Variants in ARHGAP12 observed in about 807,000 individuals in gnomAD.
ARHGAP12 encodes the protein Rho GTPase activating protein 12.
A neutral mutation model predicts 108.6 loss-of-function variants in ARHGAP12; 64 were observed. The observed-to-expected ratio is 0.59, with a 90% confidence interval of 0.48 to 0.73. The LOEUF is 0.73. Ranked by LOEUF, ARHGAP12 falls within the 30% of genes least tolerant of loss-of-function variation. The pLI is 0.00. For missense variants in ARHGAP12, 940 were observed against 1,005.9 expected (o/e 0.93, Z 0.89); for synonymous variants, 312 against 337.2 (o/e 0.93, Z 0.82).
At chr10:31,925,540 T>C (rs1168452671) in intron 1 of ARHGAP12, among the ~76,000 whole-genome samples, 5 of 152,230 alleles carry the variant, frequency 3.3e-5, no homozygotes, top group Non-Finnish European at 7.4e-5. Flanking sequence ...AGTATTCTCC[T>C]AATGTCCTTT....
chr10:31,882,916 G>C (rs1275000507), intron 3 of ARHGAP12, among the ~76,000 whole-genome samples: 1 of 151,282 alleles, frequency 6.6e-6, no homozygotes, highest in Non-Finnish European at 1.5e-5. Flanking sequence ...ACAGATACTA[G>C]ATATCCCTCT....
intron 3 of ARHGAP12, among the ~76,000 whole-genome samples, chr10:31,901,282 A>G (rs1412601676): frequency 1.3e-5 from 2 of 151,854 alleles, no homozygotes; most frequent in African/African-American, 4.8e-5. Context: ...CTGTAATCCC[A>G]GCACTTCGGG....
At chr10:31,919,946 T>C (rs1839721390) in intron 1 of ARHGAP12, among the ~76,000 whole-genome samples, 3 of 145,684 alleles carry the variant, frequency 2.1e-5, no homozygotes, top group Admixed American at 1.4e-4. Context: ...TGAAACCCCA[T>C]CTCTACTAAA....
intron 1 of ARHGAP12, among the ~76,000 whole-genome samples, chr10:31,921,106 T>A (rs1839786355): frequency 6.6e-6 from 1 of 151,812 alleles, no homozygotes; most frequent in African/African-American, 2.4e-5. Context: ...GAACTCCTGG[T>A]GAGACCCCGT....
chr10:31,869,102 A>T (rs2132329468), intron 3 of ARHGAP12, among the ~76,000 whole-genome samples: 1 of 152,328 alleles, frequency 6.6e-6, no homozygotes, highest in South Asian at 2.1e-4. Flanking sequence ...TCTGCAGATA[A>T]ATCAGAGTTA....
chr10:31,886,240 C>G (rs1838184175), intron 3 of ARHGAP12, among the ~76,000 whole-genome samples: 1 of 152,114 alleles, frequency 6.6e-6, no homozygotes, highest in African/African-American at 2.4e-5. Flanking sequence ...AGAAAGAAAA[C>G]AGGGTGAAAA....
chr10:31,911,347 ACT>A (rs1337497048), intron 1 of ARHGAP12, among the ~76,000 whole-genome samples: 1 of 152,116 alleles, frequency 6.6e-6, no homozygotes, highest in African/African-American at 2.4e-5. Context: ...ACACAGTCTC[ACT>A]CTGTCACGGA....
At chr10:31,927,094 C>T (rs1019841056) in intron 1 of ARHGAP12, among the ~76,000 whole-genome samples, 5 of 152,184 alleles carry the variant, frequency 3.3e-5, no homozygotes, top group Admixed American at 6.5e-5. Flanking sequence ...ACTTTTAGAA[C>T]AGTGGAGCCG....
At chr10:31,824,410 G>C (rs977952718) in intron 11 of ARHGAP12, among the ~76,000 whole-genome samples, 7 of 152,070 alleles carry the variant, frequency 4.6e-5, no homozygotes, top group Non-Finnish European at 8.8e-5. Context: ...AATTCATTGA[G>C]AATTCTAAAA....
At chr10:31,840,291 C>T (rs772112630) in intron 7 of ARHGAP12, among the ~76,000 whole-genome samples, 1 of 150,770 alleles carries the variant, frequency 6.6e-6, no homozygotes, top group Non-Finnish European at 1.5e-5. Context: ...ATTAATAACT[C>T]CCCAGAAAAA....
chr10:31,900,833 A>T (rs969275927), intron 3 of ARHGAP12, among the ~76,000 whole-genome samples: 1 of 150,854 alleles, frequency 6.6e-6, no homozygotes, highest in Non-Finnish European at 1.5e-5. Flanking sequence ...ATGTATGCAA[A>T]TTTTTTTTTT....
chr10:31,860,023 C>T (rs1254114557), intron 4 of ARHGAP12, among the ~76,000 whole-genome samples: 3 of 152,182 alleles, frequency 2.0e-5, no homozygotes, highest in South Asian at 2.1e-4. Flanking sequence ...CTCAAGTGAT[C>T]TGCCTCCCAA....
chr10:31,884,569 G>C (rs1204812445), intron 3 of ARHGAP12, among the ~76,000 whole-genome samples: 2 of 152,132 alleles, frequency 1.3e-5, no homozygotes, highest in African/African-American at 4.8e-5. Context: ...TTGCAATGTG[G>C]AATCTAAAAA....
At position 31,885,035 on chromosome 10, in the gene ARHGAP12, A is replaced by C. The variant is rs187888376; in HGVS notation, c.684+23137T>G. ...TTTTGATACAGGTGTACAATGTAAA[A>C]TAAGCACATCCTGGAGAGCAGGGTG... On this transcript the variant is annotated intron_variant, in intron 3 of 19. Coordinates refer to ENST00000344936, the MANE Select transcript of ARHGAP12 (RefSeq NM_018287.7). 2.6e-5 allele frequency among the ~76,000 whole-genome samples: 4 copies of C among 152,244 alleles called. No individual in the cohort carries two copies. In the East Asian group the frequency reaches 5.8e-4, roughly 22 times the overall value.
rs1554786581 is a variant in ARHGAP12, at chr10:31,889,644, T to TG, written c.684+18527dup. On this transcript the variant is annotated intron_variant, in intron 3 of 19. Transcript: ENST00000344936. ...GTTTTTTTTTTTTTTTTTTTTTTTT[T>TG]GAGACAGGATCTCGCTCTGTCATGC... Among the ~76,000 whole-genome samples, 320 of 125,978 alleles carry TG rather than the reference T, an allele frequency of 2.5e-3. 10 individuals are homozygous for TG. The highest frequency in any genetic ancestry group is 0.011 in the African/African-American group (304 of 26,886). The allele number at this position is 125,978 out of a possible 152,430, so 82.6% of individuals were successfully genotyped here. A position where few individuals can be genotyped will look rare whatever the true frequency, so the allele number is the denominator to read the frequency against.
chr10:31,824,078 T>A (rs1210767281), intron 11 of ARHGAP12, among the ~76,000 whole-genome samples: 3 of 152,152 alleles, frequency 2.0e-5, no homozygotes, highest in Non-Finnish European at 4.4e-5. Context: ...TTATACGCAC[T>A]TACATGATTT....
rs1336350398 is a variant in ARHGAP12, at chr10:31,854,299, G to C, written c.949-93C>G. ...ATAAATAAATTTTACTTGACTATAA[G>C]TATGAAGATATCTTAAATATATCTG... On this transcript the variant is annotated intron_variant, in intron 4 of 19. Transcript: ENST00000344936. 9 of 1,081,728 alleles carry C rather than the reference G, an allele frequency of 8.3e-6. No individual in the cohort carries two copies. In the South Asian group the frequency reaches 8.9e-5, roughly 11 times the overall value. The allele number at this position is 1,081,728 out of a possible 1,614,324, so 67.0% of individuals were successfully genotyped here. A position where few individuals can be genotyped will look rare whatever the true frequency, so the allele number is the denominator to read the frequency against.
At chr10:31,845,393 T>G (rs1247407084) in intron 6 of ARHGAP12, among the ~76,000 whole-genome samples, 2 of 152,228 alleles carry the variant, frequency 1.3e-5, no homozygotes, top group Admixed American at 1.3e-4. Flanking sequence ...GTCTAGTTCC[T>G]AACTCTAATG....
chr10:31,875,766 C>G (rs947154012), intron 3 of ARHGAP12, among the ~76,000 whole-genome samples: 3 of 152,150 alleles, frequency 2.0e-5, no homozygotes, highest in African/African-American at 7.2e-5. Context: ...ACGGTGCAAC[C>G]ATCACCACCA....
Sources: allele counts gnomAD v4.1 joint callset (sites outside exome capture counted in the v4.1 genomes callset), GRCh38; gene constraint gnomAD v4.1.1; transcripts MANE v1.5; gene names NCBI Gene and HGNC (gene_info 2026-07-23, HGNC 2026-07-21).